The following STAU2 variants were observed in gnomAD, a reference collection of about 807,000 sequenced individuals.
STAU2 encodes the protein staufen double-stranded RNA binding protein 2.
STAU2 carries 20 observed loss-of-function variants against 65.9 expected under a neutral mutation model. The observed-to-expected ratio is 0.30, with a 90% confidence interval of 0.21 to 0.44. The LOEUF is 0.44. Among genes scored for constraint, STAU2 ranks in the 20% least tolerant of loss-of-function variants. The pLI, the probability that STAU2 is intolerant of heterozygous loss-of-function variation, is 1.00. For missense variants in STAU2, 558 were observed against 683.9 expected, an observed-to-expected ratio of 0.82 and a Z score of 2.05; for synonymous variants, 232 against 233.9, an observed-to-expected ratio of 0.99 and a Z score of 0.07.
intron 5 of STAU2, among the ~76,000 whole-genome samples, chr8:73,683,146 G>A (rs1402939969): frequency 1.3e-5 from 2 of 151,862 alleles, no homozygotes; most frequent in Admixed American, 6.6e-5. Flanking sequence ...CAAAAACAGG[G>A]AAGTACATAA....
chr8:73,453,647 T>C (rs1182513475), intron 13 of STAU2, among the ~76,000 whole-genome samples: 2 of 152,136 alleles, frequency 1.3e-5, no homozygotes, highest in Admixed American at 1.3e-4. Context: ...AGTTTGAAAA[T>C]AGATACCTCT....
chr8:73,511,905 A>G (rs1471092234), intron 13 of STAU2, among the ~76,000 whole-genome samples: 2 of 152,114 alleles, frequency 1.3e-5, no homozygotes, highest in African/African-American at 4.8e-5. Flanking sequence ...ATTTAAGTCT[A>G]TTATCTATTT....
intron 6 of STAU2, among the ~76,000 whole-genome samples, chr8:73,663,925 TTTTGA>T (rs1272348243): frequency 1.3e-5 from 2 of 152,342 alleles, no homozygotes; most frequent in East Asian, 1.9e-4. Context: ...TTTTCAGTAC[TTTTGA>T]TTTATTATTT....
At chr8:73,550,184 T>C (rs1807229861) in intron 13 of STAU2, 4 of 985,004 alleles carry the variant, frequency 4.1e-6, no homozygotes, top group South Asian at 9.4e-5. Context: ...TATTCATTAG[T>C]ATGTAAAAAT....
Position 73,486,636 on chromosome 8 carries a change from T to A in STAU2, c.1531-63934A>T, listed in dbSNP as rs1478833416. Among the ~76,000 whole-genome samples the A allele has an allele frequency of 4.6e-5, 6 of 130,512 alleles. No individual in the cohort carries two copies. The East Asian group carries it at 1.2e-3, about 27-fold the overall frequency. 85.6% of individuals were successfully genotyped at this position (130,512 alleles called of 152,430 possible). On this transcript the variant is annotated intron_variant, in intron 13 of 14. Transcript: ENST00000524300. Reference sequence around the variant, plus strand: ...TTATATATATATATATACACATTTATAAGTAAATATATATATATATATTTT... The same window carrying A: ...TTATATATATATATATACACATTTAAAAGTAAATATATATATATATATTTT...
intron 6 of STAU2, among the ~76,000 whole-genome samples, chr8:73,630,237 C>A (rs1185022190): frequency 6.6e-6 from 1 of 152,226 alleles, no homozygotes; most frequent in Admixed American, 6.5e-5. Flanking sequence ...GCTGCAGATA[C>A]GCAAGGTATG....
intron 10 of STAU2, among the ~76,000 whole-genome samples, chr8:73,597,427 G>C (rs953386310): frequency 6.6e-6 from 1 of 151,712 alleles, no homozygotes; most frequent in Non-Finnish European, 1.5e-5. Flanking sequence ...GCCAAGGCAG[G>C]TGGATCACTT....
chr8:73,461,533 T>C (rs139383400), intron 13 of STAU2, among the ~76,000 whole-genome samples: 302 of 151,994 alleles, frequency 2.0e-3, no homozygotes, highest in African/African-American at 6.9e-3. Flanking sequence ...ATGGCAAATA[T>C]GAGGTGACTT....
chr8:73,646,954 C>A (rs1015751749), intron 6 of STAU2, among the ~76,000 whole-genome samples: 9 of 151,558 alleles, frequency 5.9e-5, no homozygotes, highest in Non-Finnish European at 8.8e-5. Context: ...CACACACACA[C>A]ACACACACAC....
intron 11 of STAU2, among the ~76,000 whole-genome samples, chr8:73,594,709 C>T (rs1206391126): frequency 6.6e-6 from 1 of 152,104 alleles, no homozygotes; most frequent in Non-Finnish European, 1.5e-5. Context: ...CCTATGAGTT[C>T]ACCTTTAAAT....
intron 13 of STAU2, among the ~76,000 whole-genome samples, chr8:73,533,160 T>A (rs1164656377): frequency 6.6e-6 from 1 of 152,186 alleles, no homozygotes; most frequent in Non-Finnish European, 1.5e-5. Context: ...AATTAAATCA[T>A]TTTGCTGCCT....
intron 3 of STAU2, among the ~76,000 whole-genome samples, chr8:73,729,811 T>C (rs1805915953): frequency 6.6e-6 from 1 of 152,232 alleles, no homozygotes. Flanking sequence ...ATGTAGGTTA[T>C]CTAATCTGTG....
At chr8:73,538,209 T>C (rs1436908991) in intron 13 of STAU2, among the ~76,000 whole-genome samples, 1 of 152,190 alleles carries the variant, frequency 6.6e-6, no homozygotes, top group African/African-American at 2.4e-5. Flanking sequence ...GTACATTAGT[T>C]AAGAGTTTTA....
intron 13 of STAU2, among the ~76,000 whole-genome samples, chr8:73,480,027 T>C (rs542396486): frequency 1.3e-5 from 2 of 152,198 alleles, no homozygotes; most frequent in East Asian, 3.9e-4. Flanking sequence ...GTTTGTTTTC[T>C]AAAACACAGA....
At chr8:73,568,525 C>T (rs1425149225) in intron 12 of STAU2, among the ~76,000 whole-genome samples, 1 of 152,014 alleles carries the variant, frequency 6.6e-6, no homozygotes, top group Admixed American at 6.6e-5. Context: ...ATCCCTTGAG[C>T]CCAGGAGTTC....
chr8:73,448,869 G>A (rs913941410), intron 13 of STAU2, among the ~76,000 whole-genome samples: 4 of 152,266 alleles, frequency 2.6e-5, no homozygotes, highest in Non-Finnish European at 4.4e-5. Flanking sequence ...GGTCCCTGCC[G>A]TGGGCGCTAG....
chr8:73,686,826 G>T (rs1359529565), intron 5 of STAU2, among the ~76,000 whole-genome samples: 1 of 150,786 alleles, frequency 6.6e-6, no homozygotes, highest in East Asian at 1.9e-4. Flanking sequence ...CTTAAAATTA[G>T]AACAGTAATT....
At chr8:73,530,073 C>A (rs146844742) in intron 13 of STAU2, among the ~76,000 whole-genome samples, 1 of 151,940 alleles carries the variant, frequency 6.6e-6, no homozygotes, top group Non-Finnish European at 1.5e-5. Flanking sequence ...ATCTTGACTG[C>A]GAGGACAAAG....
intron 13 of STAU2, among the ~76,000 whole-genome samples, chr8:73,495,827 G>A (rs1465164217): frequency 1.3e-5 from 2 of 151,264 alleles, no homozygotes; most frequent in African/African-American, 4.8e-5. Context: ...TCATACAGTT[G>A]TAGAATTCCA....
Sources: allele counts gnomAD v4.1 joint callset (sites outside exome capture counted in the v4.1 genomes callset), GRCh38; gene constraint gnomAD v4.1.1; transcripts MANE v1.5; gene names NCBI Gene and HGNC (gene_info 2026-07-23, HGNC 2026-07-21).